The following PIK3C2G variants were observed in gnomAD, a reference collection of about 807,000 sequenced individuals.
The protein encoded by PIK3C2G is phosphatidylinositol-4-phosphate 3-kinase catalytic subunit type 2 gamma, also known as phosphatidylinositol 3-kinase C2 domain-containing subunit gamma.
Under a neutral mutation model 181.1 loss-of-function variants are expected in PIK3C2G, and 168 were observed. The ratio of observed to expected loss-of-function variants is 0.93; its 90% CI spans 0.82 to 1.05. The LOEUF (loss-of-function observed/expected upper bound fraction) is 1.05, where lower values mean the gene tolerates loss of function less well. Among genes scored for constraint, PIK3C2G ranks in the 50% least tolerant of loss-of-function variants. The probability of loss-of-function intolerance (pLI) is 0.00; values close to 1 mark genes in which losing one functional copy is unlikely to be tolerated. For missense variants in PIK3C2G, 1,869 were observed against 1,732.8 expected (o/e 1.08, Z -1.40); for synonymous variants, 573 against 592.2 (o/e 0.97, Z 0.47).
chr12:18,364,143 T>C (rs1941470288), intron 12 of PIK3C2G, among the ~76,000 whole-genome samples: 1 of 152,180 alleles, frequency 6.6e-6, no homozygotes, highest in African/African-American at 2.4e-5. Flanking sequence ...CATTCCCCGT[T>C]CTTGCTATCC....
chr12:18,463,369 T>C (rs1948026111), intron 18 of PIK3C2G, among the ~76,000 whole-genome samples: 1 of 152,176 alleles, frequency 6.6e-6, no homozygotes, highest in Non-Finnish European at 1.5e-5. Context: ...GCTCAGCAGC[T>C]GAGTAAAATT....
At chr12:18,522,155 A>C (rs772620231) in intron 24 of PIK3C2G, among the ~76,000 whole-genome samples, 1 of 152,180 alleles carries the variant, frequency 6.6e-6, no homozygotes, top group Non-Finnish European at 1.5e-5. Context: ...TTTCAATGGA[A>C]GCCTCTGATA....
At chr12:18,673,662 C>G in the PIK3C2G span, among the ~76,000 whole-genome samples, 1 of 152,226 alleles carries the variant, frequency 6.6e-6, no homozygotes, top group South Asian at 2.1e-4. Flanking sequence ...GTCAGAAATC[C>G]AGGCACAGCT....
intron 11 of PIK3C2G, among the ~76,000 whole-genome samples, chr12:18,360,589 C>A (rs1011153505): frequency 6.6e-6 from 1 of 152,114 alleles, no homozygotes; most frequent in South Asian, 2.1e-4. Context: ...TTATTCACCT[C>A]ATAAAGTATT....
intron 16 of PIK3C2G, among the ~76,000 whole-genome samples, chr12:18,415,668 T>G (rs1945134247): frequency 6.6e-6 from 1 of 152,246 alleles, no homozygotes; most frequent in Non-Finnish European, 1.5e-5. Context: ...CTAGGCTTCT[T>G]GTGCCAAACA....
intron 25 of PIK3C2G, among the ~76,000 whole-genome samples, chr12:18,538,609 A>C (rs1313213285): frequency 6.6e-6 from 1 of 151,992 alleles, no homozygotes; most frequent in African/African-American, 2.4e-5. Context: ...TAATGCCTTC[A>C]GTCATACTAG....
intron 18 of PIK3C2G, among the ~76,000 whole-genome samples, chr12:18,456,489 T>C (rs990051615): frequency 6.6e-6 from 1 of 152,134 alleles, no homozygotes; most frequent in Non-Finnish European, 1.5e-5. Flanking sequence ...ATGTCTAATT[T>C]ACATAGGGCA....
At chr12:18,694,199 AT>A in the PIK3C2G span, 3 of 633,928 alleles carry the variant, frequency 4.7e-6, no homozygotes, top group Non-Finnish European at 8.4e-6. Flanking sequence ...GTTCCCATTG[AT>A]TTTTATTAGC....
At position 18,314,092 on chromosome 12, in the gene PIK3C2G, T is replaced by G. The variant is rs549724301; in HGVS notation, c.1137+28T>G. On this transcript the variant is annotated intron_variant, in intron 6 of 32. Transcript: ENST00000538779. ...AAGACTTTCTTAGCATTGGTTTCAATTGGCAAACTGACAGTTTTAAGGACA... is the reference window on the plus strand; with the variant it reads ...AAGACTTTCTTAGCATTGGTTTCAAGTGGCAAACTGACAGTTTTAAGGACA... 5.1e-6 allele frequency: 6 copies of G among 1,173,228 alleles called. No individual in the cohort carries two copies. In the African/African-American group the frequency reaches 9.2e-5, roughly 18 times the overall value. The allele number at this position is 1,173,228 out of a possible 1,614,324, so 72.7% of individuals were successfully genotyped here.
chr12:18,264,813 G>A (rs1326339602), intron 1 of PIK3C2G, among the ~76,000 whole-genome samples: 1 of 152,118 alleles, frequency 6.6e-6, no homozygotes, highest in Non-Finnish European at 1.5e-5. Flanking sequence ...TGGGCGTGGG[G>A]AGAAAAACCA....
intron 1 of PIK3C2G, among the ~76,000 whole-genome samples, chr12:18,255,555 G>A (rs943009241): frequency 3.9e-5 from 6 of 152,154 alleles, no homozygotes; most frequent in Non-Finnish European, 8.8e-5. Flanking sequence ...CTCCCAACTG[G>A]TTGATGGTGT....
intron 6 of PIK3C2G, chr12:18,320,224 T>C (rs1448608093): frequency 6.6e-6 from 1 of 152,162 alleles, no homozygotes; most frequent in East Asian, 1.9e-4. Flanking sequence ...TGTGGTGAAA[T>C]AGTGCAATTA....
At chr12:18,382,600 G>A (rs1000166243) in intron 14 of PIK3C2G, among the ~76,000 whole-genome samples, 3 of 152,178 alleles carry the variant, frequency 2.0e-5, no homozygotes, top group African/African-American at 7.2e-5. Flanking sequence ...AGCTTTACCA[G>A]TGTTGACATT....
intron 26 of PIK3C2G, among the ~76,000 whole-genome samples, chr12:18,559,441 A>G (rs1228508532): frequency 2.0e-5 from 3 of 152,100 alleles, no homozygotes; most frequent in African/African-American, 7.2e-5. Flanking sequence ...CTGACCTGAG[A>G]GCAGTACTCC....
intron 24 of PIK3C2G, among the ~76,000 whole-genome samples, chr12:18,514,006 G>T (rs1179999080): frequency 2.6e-5 from 4 of 151,638 alleles, no homozygotes; most frequent in African/African-American, 9.7e-5. Flanking sequence ...CTTCCCACTT[G>T]GAACTGCTTT....
chr12:18,313,820 A>G, intron 5 of PIK3C2G, 142 bp from the exon 6 acceptor site: 1 of 542,078 alleles, frequency 1.8e-6, no homozygotes, highest in East Asian at 3.2e-5. Flanking sequence ...ACACACACAC[A>G]CACACACACG....
upstream of PIK3C2G, among the ~76,000 whole-genome samples, chr12:18,257,774 GA>G (rs984805036): frequency 7.5e-6 from 1 of 132,626 alleles, no homozygotes. Context: ...AAAAGAAGAA[GA>G]AAAAGAAAGA....
chr12:18,719,244 A>G, the PIK3C2G span, among the ~76,000 whole-genome samples: 1 of 152,154 alleles, frequency 6.6e-6, no homozygotes, highest in Non-Finnish European at 1.5e-5. Context: ...CATACAATAA[A>G]TTACGTTGCC....
At chr12:18,546,228 C>G (rs532675885) in intron 25 of PIK3C2G, 95 bp from the exon 26 acceptor site, 1 of 739,978 alleles carries the variant, frequency 1.4e-6, no homozygotes, top group Admixed American at 2.3e-5. Flanking sequence ...AAACTTGGGT[C>G]TAGATGTCTC....
Sources: allele counts gnomAD v4.1 joint callset (sites outside exome capture counted in the v4.1 genomes callset), GRCh38; gene constraint gnomAD v4.1.1; transcripts MANE v1.5; gene names NCBI Gene and HGNC (gene_info 2026-07-23, HGNC 2026-07-21).